The following SYT15 variants were observed in gnomAD, a reference collection of about 807,000 sequenced individuals.
SYT15 encodes the protein synaptotagmin 15, also known as synaptotagmin-15.
In SYT15, 4 loss-of-function variants were observed where a neutral mutation model predicts 30.1. The observed-to-expected ratio is 0.13, with a 90% confidence interval of 0.07 to 0.30. SYT15 has a LOEUF of 0.30. SYT15 is among the 10% of genes least tolerant of loss of function. SYT15 has a pLI of 1.00. For missense variants in SYT15, 49 were observed against 371.7 expected, an observed-to-expected ratio of 0.13 and a Z score of 7.14; for synonymous variants, 19 against 166.3, an observed-to-expected ratio of 0.11 and a Z score of 6.82.
At chr10:46,592,092 T>C (rs1482713787), downstream of SYT15, 1 of 138,562 alleles carries the variant, frequency 7.2e-6, no homozygotes, top group African/African-American at 2.9e-5. Flanking sequence ...TTTTTGTTTT[T>C]ATTTTTTCTT....
chr10:46,586,936 G>A (rs1356123518), intron 7 of SYT15, among the ~76,000 whole-genome samples: 1 of 24,484 alleles, frequency 4.1e-5, no homozygotes, highest in African/African-American at 2.1e-4. Context: ...AGAGTGGGAG[G>A]GGCCAGGCCT....
In SYT15 at chr10:46,588,594, GGCATCGT is replaced by G; in HGVS notation, c.*951_*957del. 1 of 615,838 alleles carries G rather than the reference GGCATCGT, an allele frequency of 1.6e-6. No homozygotes were observed. Among genetic ancestry groups the G allele is most frequent in the Non-Finnish European group, 2.0e-6 (1 of 511,828 alleles). 38.1% of individuals were successfully genotyped at this position (615,838 alleles called of 1,614,324 possible). Reference sequence around the variant, plus strand: ...TAACAGGTAGTGTGTATTTGCACCTGGCATCGTGCAGCCTGCACGTCAACACGTTGTT... The same window carrying G: ...TAACAGGTAGTGTGTATTTGCACCTGGCAGCCTGCACGTCAACACGTTGTT... On this transcript the variant is annotated 3_prime_UTR_variant, in exon 8 of 8. Coordinates refer to ENST00000374321, the MANE Select transcript of SYT15 (RefSeq NM_031912.5).
Position 46,591,616 on chromosome 10 carries a change from AT to A in SYT15, c.*3972del, listed in dbSNP as rs1205911064. The A allele has an allele frequency of 1.4e-5, 2 of 138,758 alleles. No individual in the cohort carries two copies. Among genetic ancestry groups the A allele is most frequent in the Non-Finnish European group, 3.1e-5 (2 of 65,032 alleles). The allele number at this position is 138,758 out of a possible 1,614,324, so 8.6% of individuals were successfully genotyped here. A position where few individuals can be genotyped will look rare whatever the true frequency, so the allele number is the denominator to read the frequency against. On this transcript the variant is annotated 3_prime_UTR_variant, in exon 8 of 8. Transcript: ENST00000374321. ...GCAGTTGTGTGCAGGTGTTATGTGTATTTCAACTGGGTCAAGTTTGTTAATC... is the reference window on the plus strand; with the variant it reads ...GCAGTTGTGTGCAGGTGTTATGTGTATTCAACTGGGTCAAGTTTGTTAATC...
In SYT15 at chr10:46,588,685, CT is replaced by C. The variant is rs66861887; in HGVS notation, c.*1052del. 0.61 allele frequency: 406,581 copies of C among 669,764 alleles called. 72,209 individuals carry two copies. The highest frequency in any genetic ancestry group is 0.96 in the Admixed American group (10,958 of 11,468). The allele number at this position is 669,764 out of a possible 1,614,324, so 41.5% of individuals were successfully genotyped here. Reference sequence around the variant, plus strand: ...CTCTTTCTCTTTTTTCCTTCTTTTTCTTTTTTTTTTTTTTATTTTAATTTTT... The same window carrying C: ...CTCTTTCTCTTTTTTCCTTCTTTTTCTTTTTTTTTTTTTATTTTAATTTTT... On this transcript the variant is annotated 3_prime_UTR_variant, in exon 8 of 8. Transcript: ENST00000374321.
rs1272818018 is a variant in SYT15, at chr10:46,590,637, T to G, written c.*2990T>G. On this transcript the variant is annotated 3_prime_UTR_variant, in exon 8 of 8. Coordinates refer to ENST00000374321, the MANE Select transcript of SYT15 (RefSeq NM_031912.5). ...AGGACCTCCAGCAGAATGCTGACTATAAGTAGTGATAGTGGGTATTCTTGT... is the reference window on the plus strand; with the variant it reads ...AGGACCTCCAGCAGAATGCTGACTAGAAGTAGTGATAGTGGGTATTCTTGT... 2 of 141,312 alleles carry G rather than the reference T, an allele frequency of 1.4e-5. No individual in the cohort carries two copies. The highest frequency in any genetic ancestry group is 2.8e-5 in the African/African-American group (1 of 35,778). The allele number at this position is 141,312 out of a possible 1,614,324, so 8.8% of individuals were successfully genotyped here.
chr10:46,584,279 G>A (rs1260467987), intron 5 of SYT15, among the ~76,000 whole-genome samples: 1 of 151,822 alleles, frequency 6.6e-6, no homozygotes, highest in Non-Finnish European at 1.5e-5. Flanking sequence ...ACCTGGGTGT[G>A]ACTCCTTAGC....
At chr10:46,596,316 G>A (rs1289484761), downstream of SYT15, 1 of 151,698 alleles carries the variant, frequency 6.6e-6, no homozygotes, top group Non-Finnish European at 1.5e-5. Flanking sequence ...TACTGCAAGA[G>A]TCTCGAGCAT....
At chr10:46,593,419 C>T (rs1415245957), downstream of SYT15, 2 of 145,194 alleles carry the variant, frequency 1.4e-5, no homozygotes, top group South Asian at 2.2e-4. Flanking sequence ...GGTGAAACCC[C>T]GTCTCCACTA....
downstream of SYT15, among the ~76,000 whole-genome samples, chr10:46,595,137 T>C (rs2133472560): frequency 7.3e-6 from 1 of 137,500 alleles, no homozygotes; most frequent in East Asian, 2.0e-4. Flanking sequence ...AACTCACTTT[T>C]TTTTTTTTTT....
chr10:46,592,454 C>G (rs1251711268), downstream of SYT15, among the ~76,000 whole-genome samples: 8 of 140,480 alleles, frequency 5.7e-5, no homozygotes, highest in Non-Finnish European at 1.1e-4. Context: ...TTATTATTTC[C>G]TGCATTTCTG....
chr10:46,584,421 C>T, intron 5 of SYT15, 74 bp from the exon 6 acceptor site: 3 of 1,579,760 alleles, frequency 1.9e-6, no homozygotes, highest in Non-Finnish European at 1.7e-6. Flanking sequence ...GCGGGAGGCT[C>T]TCTGGGGGTT....
chr10:46,584,769 G>C (rs1265352323), intron 6 of SYT15, among the ~76,000 whole-genome samples, 154 bp downstream of exon 6: 2 of 151,334 alleles, frequency 1.3e-5, no homozygotes, highest in African/African-American at 2.4e-5. Flanking sequence ...TCCCTCGGTC[G>C]ACAGTTCTGG....
At chr10:46,593,515 T>G (rs1271725045), downstream of SYT15, 1 of 149,652 alleles carries the variant, frequency 6.7e-6, no homozygotes, top group Non-Finnish European at 1.5e-5. Context: ...TCGCTTGACC[T>G]TGGGGAGGCG....
At chr10:46,593,348 T>C (rs1555044567), downstream of SYT15, 1 of 144,538 alleles carries the variant, frequency 6.9e-6, no homozygotes, top group Non-Finnish European at 1.5e-5. Context: ...CCCAGCAGTT[T>C]GGGAGGCCAA....
At chr10:46,592,084 TTTG>T (rs1426725139), downstream of SYT15, 10 of 137,520 alleles carry the variant, frequency 7.3e-5, no homozygotes, top group African/African-American at 2.9e-4. Flanking sequence ...CTTACCCATT[TTTG>T]TTTTTATTTT....
chr10:46,580,717 T>TGTGC (rs1427264475), intron 2 of SYT15, among the ~76,000 whole-genome samples, 177 bp from the exon 3 acceptor site: 6 of 129,044 alleles, frequency 4.6e-5, no homozygotes, highest in African/African-American at 1.6e-4. Flanking sequence ...TGTGTGTGTG[T>TGTGC]GCGTGTGTGT....
intron 5 of SYT15, 149 bp from the exon 6 acceptor site, chr10:46,584,346 C>T: frequency 9.0e-7 from 1 of 1,105,940 alleles, no homozygotes; most frequent in Admixed American, 2.9e-5. Context: ...GTTGCCCCAT[C>T]CTTAAAATGG....
chr10:46,592,104 T>C (rs1227324464), downstream of SYT15: 5 of 140,080 alleles, frequency 3.6e-5, 1 homozygote, highest in African/African-American at 1.4e-4. Flanking sequence ...TTTTTTCTTT[T>C]CTGTTGCTTT....
rs1476723966 is a variant in SYT15, at chr10:46,591,478, AAAT to A, written c.*3834_*3836del. On this transcript the variant is annotated 3_prime_UTR_variant, in exon 8 of 8. Transcript: ENST00000374321. ...AAAAAAATAAAATAAGTAAATAAATAAATAAAATTTAGATTAATTTGCTGTTAT... is the reference window on the plus strand; with the variant it reads ...AAAAAAATAAAATAAGTAAATAAATAAAAATTTAGATTAATTTGCTGTTAT... 1.8e-5 allele frequency: 2 copies of A among 108,132 alleles called. No individual in the cohort carries two copies. Among genetic ancestry groups the A allele is most frequent in the Non-Finnish European group, 3.7e-5 (2 of 54,154 alleles). 6.7% of individuals were successfully genotyped at this position (108,132 alleles called of 1,614,324 possible).
Sources: allele counts gnomAD v4.1 joint callset (sites outside exome capture counted in the v4.1 genomes callset), GRCh38; gene constraint gnomAD v4.1.1; transcripts MANE v1.5; gene names NCBI Gene and HGNC (gene_info 2026-07-23, HGNC 2026-07-21).